AMMECR1: variants seen among roughly 807,000 people sequenced by gnomAD.
AMMECR1 encodes the protein nuclear protein AMMECR1.
In AMMECR1, 3 loss-of-function variants were observed where a neutral mutation model predicts 22.5. The observed-to-expected ratio is 0.13, with a 90% confidence interval of 0.06 to 0.35. The LOEUF (loss-of-function observed/expected upper bound fraction) is 0.35, where lower values mean the gene tolerates loss of function less well. Among genes scored for constraint, AMMECR1 ranks in the 10% least tolerant of loss-of-function variants. The pLI, the probability that AMMECR1 is intolerant of heterozygous loss-of-function variation, is 1.00. For synonymous variants in AMMECR1, 130 were observed against 116.7 expected, an observed-to-expected ratio of 1.11 and a Z score of -0.74; for missense variants, 235 against 278.7, an observed-to-expected ratio of 0.84 and a Z score of 1.12.
chrX:110,248,355 C>T (rs906692786), intron 2 of AMMECR1, among the ~76,000 whole-genome samples: 2 of 109,500 alleles, frequency 1.8e-5, no homozygotes, highest in African/African-American at 3.3e-5. Flanking sequence ...TACTGTACTC[C>T]ATCTTGGGTG....
intron 1 of AMMECR1, among the ~76,000 whole-genome samples, chrX:110,300,295 C>A (rs868804673): frequency 8.9e-6 from 1 of 112,054 alleles, no homozygotes; most frequent in Non-Finnish European, 1.9e-5. Context: ...TGTTGAGCAC[C>A]TTTTCCTGTA....
At chrX:110,326,997 G>T (rs1322777300) in intron 2 of AMMECR1, among the ~76,000 whole-genome samples, 1 of 112,089 alleles carries the variant, frequency 8.9e-6, no homozygotes, top group African/African-American at 3.2e-5. Context: ...TCTGGTTTGG[G>T]TAAACAAATA....
chrX:110,198,649 G>A lies in AMMECR1; in HGVS notation c.888-15C>T, dbSNP rs150423719. The A allele has an allele frequency of 1.0e-3, 1,165 of 1,123,064 alleles. 13 individuals carry two copies. The East Asian group carries it at 0.019, about 18-fold the overall frequency. The allele number at this position is 1,123,064 out of a possible 1,213,427, so 92.6% of individuals were successfully genotyped here. The stretch of plus-strand genomic sequence containing the variant: ...CACTACGATACCTGAAAGAAAGTCA[G>A]GGAAGAGAAAAGTTAACATTGAGAA... On this transcript the variant is annotated splice_polypyrimidine_tract_variant and intron_variant, in intron 5 of 5. Coordinates refer to ENST00000262844, the MANE Select transcript of AMMECR1 (RefSeq NM_015365.3).
intron 2 of AMMECR1, among the ~76,000 whole-genome samples, chrX:110,367,334 C>T (rs1264303753): frequency 8.9e-6 from 1 of 112,094 alleles, no homozygotes; most frequent in African/African-American, 3.2e-5. Flanking sequence ...CTCATTTTCT[C>T]TTGAATCCTC....
In AMMECR1 at chrX:110,197,780, G is replaced by A. The variant is rs868511748; in HGVS notation, c.*740C>T. On this transcript the variant is annotated 3_prime_UTR_variant, in exon 6 of 6. Coordinates refer to ENST00000262844, the MANE Select transcript of AMMECR1 (RefSeq NM_015365.3). ...GTTTGCAAATTGGTTCTATAAAGTG[G>A]TGAGGCAGTCTCTTCTATGATAACC... is the stretch of plus-strand genomic sequence containing the variant. 1.8e-5 allele frequency: 2 copies of A among 111,710 alleles called. No individual in the cohort carries two copies. Among genetic ancestry groups the A allele is most frequent in the South Asian group, 3.7e-4 (1 of 2,671 alleles). 9.2% of individuals were successfully genotyped at this position (111,710 alleles called of 1,213,427 possible).
At chrX:110,315,391 C>T (rs907913521) in intron 1 of AMMECR1, among the ~76,000 whole-genome samples, 30 of 112,001 alleles carry the variant, frequency 2.7e-4, no homozygotes, top group African/African-American at 9.7e-4. Flanking sequence ...ATGACACATT[C>T]AAGGTCTGCT....
intron 1 of AMMECR1, among the ~76,000 whole-genome samples, chrX:110,289,579 C>T (rs1464738839): frequency 8.9e-6 from 1 of 112,013 alleles, no homozygotes; most frequent in Admixed American, 9.4e-5. Flanking sequence ...GTTTACAGGC[C>T]AACGTTGATA....
chrX:110,307,862 T>C (rs1335900741), intron 1 of AMMECR1, among the ~76,000 whole-genome samples: 1 of 104,352 alleles, frequency 9.6e-6, no homozygotes, highest in Admixed American at 1.0e-4. Flanking sequence ...ACTTTTTTTT[T>C]TCTTTTTTTT....
chrX:110,395,679 G>A (rs192265219), intron 2 of AMMECR1, among the ~76,000 whole-genome samples: 15 of 110,732 alleles, frequency 1.4e-4, no homozygotes, highest in African/African-American at 3.9e-4. Flanking sequence ...AATCCTGTGC[G>A]TGTTTGAAGG....
chrX:110,291,446 A>T (rs2067908473), intron 1 of AMMECR1, among the ~76,000 whole-genome samples: 1 of 111,227 alleles, frequency 9.0e-6, no homozygotes, highest in Non-Finnish European at 1.9e-5. Context: ...GAATCACTTG[A>T]AACTGGAAGG....
intron 1 of AMMECR1, among the ~76,000 whole-genome samples, chrX:110,272,583 G>A (rs2067804865): frequency 9.0e-6 from 1 of 111,705 alleles, no homozygotes; most frequent in African/African-American, 3.3e-5. Context: ...GTACTGGTGG[G>A]GACTTGGTTT....
chrX:110,415,664 T>C, intron 2 of AMMECR1, among the ~76,000 whole-genome samples: 1 of 111,308 alleles, frequency 9.0e-6, no homozygotes, highest in Non-Finnish European at 1.9e-5. Flanking sequence ...TTTGCTGGAA[T>C]AAAAAGATAA....
At chrX:110,259,834 G>A (rs1326338949) in intron 2 of AMMECR1, among the ~76,000 whole-genome samples, 1 of 110,631 alleles carries the variant, frequency 9.0e-6, no homozygotes, top group Non-Finnish European at 1.9e-5. Flanking sequence ...CTCGTGATCC[G>A]CTGGCCTGGG....
At chrX:110,272,458 G>C (rs2067804153) in intron 1 of AMMECR1, among the ~76,000 whole-genome samples, 1 of 111,658 alleles carries the variant, frequency 9.0e-6, no homozygotes. Flanking sequence ...AGGATGGTCA[G>C]GGAATTCGTA....
intron 2 of AMMECR1, among the ~76,000 whole-genome samples, chrX:110,350,519 G>A (rs2148242932): frequency 8.9e-6 from 1 of 111,980 alleles, no homozygotes; most frequent in South Asian, 3.7e-4. Context: ...ATCTCTATTT[G>A]AAGATAGCTT....
chrX:110,275,103 A>T (rs1352618161), intron 1 of AMMECR1, among the ~76,000 whole-genome samples: 1 of 111,372 alleles, frequency 9.0e-6, no homozygotes, highest in Non-Finnish European at 1.9e-5. Flanking sequence ...TTTTAAAGAA[A>T]TTTTTTAATG....
intron 2 of AMMECR1, among the ~76,000 whole-genome samples, chrX:110,422,978 C>T (rs2068728343): frequency 8.9e-6 from 1 of 111,810 alleles, no homozygotes; most frequent in Non-Finnish European, 1.9e-5. Flanking sequence ...GTTTTTGTAG[C>T]CTAGGCCGTG....
chrX:110,388,810 G>A (rs774787001), intron 2 of AMMECR1, among the ~76,000 whole-genome samples: 141 of 111,947 alleles, frequency 1.3e-3, no homozygotes, highest in Non-Finnish European at 2.1e-3. Flanking sequence ...GTTGGCTCAA[G>A]AGTAGCTAAT....
chrX:110,394,854 C>T (rs1243817672), intron 2 of AMMECR1, among the ~76,000 whole-genome samples: 1 of 112,858 alleles, frequency 8.9e-6, no homozygotes, highest in Non-Finnish European at 1.9e-5. Flanking sequence ...GAAGAGGAGG[C>T]CATCCCTCTA....
Sources: allele counts gnomAD v4.1 joint callset (sites outside exome capture counted in the v4.1 genomes callset), GRCh38; gene constraint gnomAD v4.1.1; transcripts MANE v1.5; gene names NCBI Gene and HGNC (gene_info 2026-07-23, HGNC 2026-07-21).